CLCN6: variants seen among roughly 807,000 people sequenced by gnomAD.
CLCN6 encodes the protein Cl-/H+ antiporter 6.
Under a neutral mutation model 109.8 loss-of-function variants are expected in CLCN6, and 70 were observed. The observed-to-expected ratio is 0.64, with a 90% CI of 0.53 to 0.78. The LOEUF (loss-of-function observed/expected upper bound fraction) is 0.78. CLCN6 is among the 30% of genes least tolerant of loss of function. The pLI is 0.00. For missense variants in CLCN6, 984 were observed against 1,142.3 expected, an observed-to-expected ratio of 0.86 and a Z score of 2.00; for synonymous variants, 444 against 447.8, an observed-to-expected ratio of 0.99 and a Z score of 0.11.
intron 4 of CLCN6, 96 bp from the exon 5 acceptor site, chr1:11,819,391 AG>A: frequency 1.9e-6 from 2 of 1,059,276 alleles, no homozygotes; most frequent in East Asian, 4.7e-5. Flanking sequence ...CCGTATGTGC[AG>A]TGGGGGAGGA....
chr1:11,830,760 TATATAC>T lies in CLCN6; in HGVS notation c.1248+1440_1248+1445del, dbSNP rs1327288540. On this transcript the variant is annotated intron_variant, in intron 13 of 22. Coordinates refer to ENST00000346436, the MANE Select transcript of CLCN6 (RefSeq NM_001286.5). Reference sequence around the variant, plus strand: ...TATTATATATATATATATATATATATATATACACACACACACTATATATACACACAC... The same window carrying T: ...TATTATATATATATATATATATATATACACACACACTATATATACACACAC... 9.7e-5 allele frequency among the ~76,000 whole-genome samples: 13 copies of T among 134,284 alleles called. 1 individual carries two copies. Among genetic ancestry groups the T allele is most frequent in the African/African-American group, 3.1e-4 (10 of 32,346 alleles). 88.1% of individuals were successfully genotyped at this position (134,284 alleles called of 152,430 possible). A position where few individuals can be genotyped will look rare whatever the true frequency, so the allele number is the denominator to read the frequency against.
At chr1:11,838,682 C>T (rs1300229695) in intron 22 of CLCN6, 22 bp downstream of exon 22, 18 of 1,614,080 alleles carry the variant, frequency 1.1e-5, no homozygotes, top group Non-Finnish European at 1.4e-5. Flanking sequence ...CCCGGCCCTG[C>T]CCCCACCTTT....
At chr1:11,839,161 C>CAT in intron 22 of CLCN6, 1 of 575,390 alleles carries the variant, frequency 1.7e-6, no homozygotes. Context: ...TACAAAAACA[C>CAT]ATATGAGCAA....
intron 7 of CLCN6, among the ~76,000 whole-genome samples, 176 bp from the exon 8 acceptor site, chr1:11,824,310 C>T (rs1001322380): frequency 2.0e-5 from 3 of 150,836 alleles, no homozygotes; most frequent in Non-Finnish European, 2.9e-5. Context: ...AGAGTGTTTT[C>T]TCTTCTAGCA....
chr1:11,829,457 A>G (rs1347432449), intron 13 of CLCN6, 135 bp downstream of exon 13: 4 of 1,056,266 alleles, frequency 3.8e-6, no homozygotes, highest in Admixed American at 2.1e-5. Flanking sequence ...GTTGAGAGAT[A>G]TGGGAATCTG....
chr1:11,829,521 C>T (rs1232548339), intron 13 of CLCN6, among the ~76,000 whole-genome samples, 199 bp downstream of exon 13: 1 of 152,148 alleles, frequency 6.6e-6, no homozygotes, highest in Non-Finnish European at 1.5e-5. Context: ...GTGTCTTTGC[C>T]ACTTCTGTGA....
rs1231486302 is a variant in CLCN6, at chr1:11,823,701, C to T, written c.454-6C>T. On this transcript the variant is annotated splice_region_variant and splice_polypyrimidine_tract_variant and intron_variant, in intron 6 of 22. Coordinates refer to ENST00000346436, the MANE Select transcript of CLCN6 (RefSeq NM_001286.5). ...AGTTATGGGTGTGCCTGCTCTCCTC[C>T]ATCAGCCGGTGGCAGCAGGTTCCGG... is the stretch of plus-strand genomic sequence containing the variant. 5 of 1,614,046 alleles carry T rather than the reference C, an allele frequency of 3.1e-6. No homozygotes were observed. The highest frequency in any genetic ancestry group is 1.7e-5 in the Admixed American group (1 of 60,008).
chr1:11,837,084 T>C lies in CLCN6; in HGVS notation c.2066T>C (p.Met689Thr), dbSNP rs781599578. ...TACCCATCCAGCGAGCTACGGAACA[T>C]GTGTGATGAGCACATCGCCTCTGAG... Reference protein sequence around the residue: ...KSYPSSELRNMCDEHIASEEP... With the variant: ...KSYPSSELRNTCDEHIASEEP... The change falls in exon 19 of 23, where the codon ATG becomes ACG. Residue 689 changes from methionine to threonine, a missense_variant. Transcript: ENST00000346436. 9 of 1,613,364 alleles carry C rather than the reference T, an allele frequency of 5.6e-6. No homozygotes were observed. The African/African-American group carries it at 6.7e-5, about 12-fold the overall frequency.
Position 11,823,726 on chromosome 1 carries a change from G to C in CLCN6, c.473G>C (p.Gly158Ala), listed in dbSNP as rs1644775667. 1 of 1,614,084 alleles carries C rather than the reference G, an allele frequency of 6.2e-7. No homozygotes were observed. The highest frequency in any genetic ancestry group is 1.3e-5 in the African/African-American group (1 of 74,934). Reference sequence around the variant, plus strand: ...CATCAGCCGGTGGCAGCAGGTTCCGGGATACCCGAGGTCAAATGCTATCTG... The same window carrying C: ...CATCAGCCGGTGGCAGCAGGTTCCGCGATACCCGAGGTCAAATGCTATCTG... ...VLIEPVAAGS[G>A]IPEVKCYLNG... Residue 158 changes from glycine (G) to alanine (A), a missense_variant, in exon 7 of 23, where the codon GGG becomes GCG. By Grantham distance (60) the Gly-to-Ala change is moderately conservative. Transcript: ENST00000346436.
chr1:11,821,492 G>A (rs1296704331), intron 5 of CLCN6, among the ~76,000 whole-genome samples: 1 of 152,174 alleles, frequency 6.6e-6, no homozygotes, highest in African/African-American at 2.4e-5. Flanking sequence ...GGAGGCGGAG[G>A]TTGCAGTGAG....
At chr1:11,822,917 G>C (rs533233088) in intron 6 of CLCN6, 116 bp downstream of exon 6, 53 of 708,228 alleles carry the variant, frequency 7.5e-5, no homozygotes, top group Non-Finnish European at 1.1e-4. Flanking sequence ...GCAGAAAGTG[G>C]CCTCTTGTTC....
intron 4 of CLCN6, 137 bp from the exon 5 acceptor site, chr1:11,819,351 A>T: frequency 1.3e-6 from 1 of 767,942 alleles, no homozygotes; most frequent in Non-Finnish European, 2.3e-6. Flanking sequence ...TCTGCTGTGC[A>T]TTCACGTACT....
Position 11,833,547 on chromosome 1 carries a change from A to C in CLCN6, c.1281A>C (p.Thr427=). Residue 427 remains threonine, a synonymous_variant, in exon 14 of 23, where the codon ACA becomes ACC. Transcript: ENST00000346436. ...VTEDVNSSIK[T]FFCPNDTYND... ...AAGATGTGAATTCAAGTATCAAGAC[A>C]TTTTTTTGTCCCAATGATACCTACA... is the stretch of plus-strand genomic sequence containing the variant. The C allele has an allele frequency of 6.2e-7, 1 of 1,613,882 alleles. No individual in the cohort carries two copies.
chr1:11,816,877 A>T (rs1467506797), intron 4 of CLCN6, among the ~76,000 whole-genome samples, 197 bp downstream of exon 4: 1 of 151,384 alleles, frequency 6.6e-6, no homozygotes, highest in Non-Finnish European at 1.5e-5. Context: ...ATCCTGGCAC[A>T]GTTTTTCACA....
In CLCN6 at chr1:11,841,472, C is replaced by A. The variant is rs1645023150; in HGVS notation, c.*1249C>A. 3 of 152,304 alleles carry A rather than the reference C, an allele frequency of 2.0e-5. No individual in the cohort carries two copies. 9.4% of individuals were successfully genotyped at this position (152,304 alleles called of 1,614,324 possible). ...CTGGCCCGCCCCCTCTGACTAGGCA[C>A]CCAAAGTGAGCATCTGGGCATTGGG... On this transcript the variant is annotated 3_prime_UTR_variant, in exon 23 of 23. Transcript: ENST00000346436.
rs201347187 is a variant in CLCN6, at chr1:11,836,179, G to A, written c.1980+26G>A. ...GTAAAGAAAACGGCATGAGAGGAAA[G>A]GCAGGTGAGAGACAAGCGGTCCCGT... On this transcript the variant is annotated intron_variant, in intron 18 of 22. Coordinates refer to ENST00000346436, the MANE Select transcript of CLCN6 (RefSeq NM_001286.5). 117 of 1,602,448 alleles carry A rather than the reference G, an allele frequency of 7.3e-5. No individual in the cohort carries two copies. In the South Asian group the frequency reaches 1.2e-3, roughly 16 times the overall value.
intron 2 of CLCN6, among the ~76,000 whole-genome samples, chr1:11,808,417 G>T (rs992233884): frequency 3.9e-5 from 6 of 152,012 alleles, no homozygotes; most frequent in African/African-American, 9.7e-5. Context: ...TATTTTGAAA[G>T]AAATTCTGTA....
intron 13 of CLCN6, 77 bp downstream of exon 13, chr1:11,829,399 G>T: frequency 6.5e-7 from 1 of 1,541,486 alleles, no homozygotes; most frequent in Non-Finnish European, 8.9e-7. Context: ...CCTCTGTTGA[G>T]AACTAATAGA....
In CLCN6 at chr1:11,806,360, G is replaced by C; in HGVS notation, c.87+11G>C. 4.0e-6 allele frequency: 6 copies of C among 1,508,782 alleles called. No homozygotes were observed. 93.5% of individuals were successfully genotyped at this position (1,508,782 alleles called of 1,614,324 possible). ...ACCCCCGAGGAGCTGGTAAGAAGCC[G>C]GCGGAGTCGGCCTGGGGAGGGGGCG... On this transcript the variant is annotated intron_variant, in intron 1 of 22. Transcript: ENST00000346436.
Sources: allele counts gnomAD v4.1 joint callset (sites outside exome capture counted in the v4.1 genomes callset), GRCh38; gene constraint gnomAD v4.1.1; transcripts MANE v1.5; gene names NCBI Gene and HGNC (gene_info 2026-07-23, HGNC 2026-07-21).